Variants in ZNF438 observed in about 807,000 individuals in gnomAD.
The protein encoded by ZNF438 is zinc finger protein 438.
In ZNF438, 25 loss-of-function variants were observed where a neutral mutation model predicts 38.0. The observed-to-expected ratio is 0.66, with a 90% CI of 0.48 to 0.92. The LOEUF (loss-of-function observed/expected upper bound fraction) is 0.92. Ranked by LOEUF, ZNF438 falls within the 40% of genes least tolerant of loss-of-function variation. The probability of loss-of-function intolerance (pLI) is 0.00; values close to 1 mark genes in which losing one functional copy is unlikely to be tolerated. For synonymous variants in ZNF438, 372 were observed against 364.1 expected (o/e 1.02, Z -0.25); for missense variants, 1,007 against 999.6 (o/e 1.01, Z -0.10).
chr10:30,989,417 G>C (rs774926790), intron 1 of ZNF438, among the ~76,000 whole-genome samples: 2 of 152,198 alleles, frequency 1.3e-5, no homozygotes, highest in Non-Finnish European at 2.9e-5. Flanking sequence ...TTCTTTTAAA[G>C]AAGAACAGAA....
chr10:30,903,145 C>T (rs1259065670), intron 3 of ZNF438, among the ~76,000 whole-genome samples: 2 of 152,200 alleles, frequency 1.3e-5, no homozygotes, highest in East Asian at 3.9e-4. Flanking sequence ...GGCCCACAAG[C>T]GCTGCATGCA....
chr10:30,847,611 TGAAGA>T (rs57452320), intron 5 of ZNF438, among the ~76,000 whole-genome samples: 56,637 of 151,618 alleles, frequency 0.37, 10,859 homozygotes, highest in Admixed American at 0.41. Flanking sequence ...ACACAGCAGG[TGAAGA>T]GAAGAGCTGC....
chr10:30,919,363 T>G (rs1390356167), intron 2 of ZNF438: 1 of 152,222 alleles, frequency 6.6e-6, no homozygotes, highest in African/African-American at 2.4e-5. Flanking sequence ...TGCTTTGTCT[T>G]AACTTTTTTC....
chr10:30,887,143 A>T (rs2133928174), intron 3 of ZNF438, among the ~76,000 whole-genome samples: 1 of 152,310 alleles, frequency 6.6e-6, no homozygotes. Context: ...CTCCAGCCTA[A>T]ATCACTGGAG....
chr10:30,849,632 T>C (rs1467511401), exon 5 of ZNF438: 5 of 1,614,154 alleles, frequency 3.1e-6, no homozygotes, highest in Non-Finnish European at 4.2e-6. Flanking sequence ...TTCTTTAAAT[T>C]TTTCACTGGC....
At chr10:30,946,699 T>C (rs2135644105) in intron 1 of ZNF438, among the ~76,000 whole-genome samples, 1 of 152,388 alleles carries the variant, frequency 6.6e-6, no homozygotes, top group African/African-American at 2.4e-5. Flanking sequence ...TTAGAATATT[T>C]AGATCATTTA....
chr10:30,920,846 A>G (rs1271423863), intron 2 of ZNF438: 1 of 152,204 alleles, frequency 6.6e-6, no homozygotes, highest in Admixed American at 6.5e-5. Context: ...GAAGAAAAAC[A>G]TAATACTCTT....
intron 2 of ZNF438, among the ~76,000 whole-genome samples, chr10:30,938,330 T>C (rs752436671): frequency 6.6e-6 from 1 of 151,504 alleles, no homozygotes; most frequent in Non-Finnish European, 1.5e-5. Context: ...CAGGCTGGAG[T>C]GCAATGGCAC....
intron 1 of ZNF438, among the ~76,000 whole-genome samples, chr10:30,948,437 C>T (rs1328932108): frequency 2.0e-5 from 3 of 151,978 alleles, no homozygotes; most frequent in Non-Finnish European, 2.9e-5. Flanking sequence ...AGGCTTCAGA[C>T]GATCAAATTA....
At chr10:30,860,157 T>C (rs7083692) in intron 4 of ZNF438, among the ~76,000 whole-genome samples, 7,844 of 152,300 alleles carry the variant, frequency 0.052, 663 homozygotes, top group African/African-American at 0.18. Flanking sequence ...CTTGTTTGAT[T>C]GTAGGTCATC....
chr10:30,889,143 C>A (rs530793082), intron 3 of ZNF438, among the ~76,000 whole-genome samples: 1 of 152,270 alleles, frequency 6.6e-6, no homozygotes, highest in South Asian at 2.1e-4. Context: ...TAACAGTATT[C>A]TTCATTGGCT....
chr10:31,012,288 T>C (rs2055784175), intron 1 of ZNF438, among the ~76,000 whole-genome samples: 1 of 151,938 alleles, frequency 6.6e-6, no homozygotes, highest in Non-Finnish European at 1.5e-5. Flanking sequence ...CACGCCCGGC[T>C]AATTTTTTGT....
intron 1 of ZNF438, among the ~76,000 whole-genome samples, chr10:31,021,143 AT>A (rs2056566551): frequency 6.7e-6 from 1 of 148,858 alleles, no homozygotes; most frequent in Non-Finnish European, 1.5e-5. Context: ...AACAGCATCC[AT>A]TTTTTAACAT....
intron 3 of ZNF438, among the ~76,000 whole-genome samples, chr10:30,907,375 ACAGAAT>A (rs2042683986): frequency 6.6e-6 from 1 of 152,194 alleles, no homozygotes; most frequent in African/African-American, 2.4e-5. Flanking sequence ...CACTGGCCTC[ACAGAAT>A]CAGTCAGGAA....
In ZNF438 at chr10:30,874,688, A is replaced by G. The variant is rs541044599; in HGVS notation, c.37+2310T>C. Reference sequence around the variant, plus strand: ...GCTCACTTTGGTTTAAAATGGCTTTAAGCATTCATATGTGTAATTAAGCAT... The same window carrying G: ...GCTCACTTTGGTTTAAAATGGCTTTGAGCATTCATATGTGTAATTAAGCAT... On this transcript the variant is annotated intron_variant, in intron 4 of 5. Transcript: ENST00000413025. Among the ~76,000 whole-genome samples, 45 of 152,072 alleles carry G rather than the reference A, an allele frequency of 3.0e-4. No individual in the cohort carries two copies. The East Asian group carries it at 8.5e-3, about 29-fold the overall frequency.
At chr10:31,031,284 GGGAACAACCATT>G (rs1157280750) in intron 1 of ZNF438, among the ~76,000 whole-genome samples, 1 of 152,142 alleles carries the variant, frequency 6.6e-6, no homozygotes, top group Non-Finnish European at 1.5e-5. Flanking sequence ...CTAGTGCTGT[GGGAACAACCATT>G]AGGGAGGCCA....
At chr10:31,021,186 C>T (rs1030781901) in intron 1 of ZNF438, among the ~76,000 whole-genome samples, 3 of 151,366 alleles carry the variant, frequency 2.0e-5, no homozygotes, top group African/African-American at 7.3e-5. Flanking sequence ...TAAATACAGA[C>T]AGCACTTAGG....
At chr10:30,849,896 A>G (rs1269682191) in exon 5 of ZNF438, 21 of 1,614,008 alleles carry the variant, frequency 1.3e-5, no homozygotes, top group Non-Finnish European at 1.8e-5. Context: ...GGGTTTGTAC[A>G]GGAGTTCAGG....
chr10:30,878,189 T>G (rs2038715782), intron 3 of ZNF438, among the ~76,000 whole-genome samples: 1 of 152,184 alleles, frequency 6.6e-6, no homozygotes, highest in Non-Finnish European at 1.5e-5. Flanking sequence ...CTCTCCTGAT[T>G]GGTTCTTTCT....
Sources: gnomAD v4.1 joint callset for allele counts (sites outside exome capture counted in the v4.1 genomes callset) on GRCh38, gnomAD v4.1.1 for gene constraint, MANE v1.5 for transcripts, NCBI Gene and HGNC (gene_info 2026-07-23, HGNC 2026-07-21) for gene names.